The following EFHB variants were observed in gnomAD, a reference collection of about 807,000 sequenced individuals.
EFHB encodes EF-hand domain-containing family member B.
In EFHB, 91 loss-of-function variants were observed where a neutral mutation model predicts 87.2. The observed-to-expected ratio is 1.04, with a 90% CI of 0.88 to 1.24. The LOEUF (loss-of-function observed/expected upper bound fraction) is 1.24, where lower values mean the gene tolerates loss of function less well. EFHB is among the 50% of genes most tolerant of loss of function. The pLI, the probability that EFHB is intolerant of heterozygous loss-of-function variation, is 0.00. For missense variants in EFHB, 1,084 were observed against 998.8 expected (o/e 1.09, Z -1.15); for synonymous variants, 325 against 333.6 (o/e 0.97, Z 0.28).
intron 12 of EFHB, among the ~76,000 whole-genome samples, chr3:19,881,213 G>A (rs1393564976): frequency 6.6e-6 from 1 of 152,192 alleles, no homozygotes; most frequent in East Asian, 1.9e-4. Flanking sequence ...CCCCTGCAGA[G>A]TGAGCTCAGG....
intron 5 of EFHB, among the ~76,000 whole-genome samples, chr3:19,909,410 A>G (rs867842371): frequency 6.6e-6 from 1 of 152,158 alleles, no homozygotes; most frequent in South Asian, 2.1e-4. Flanking sequence ...CAGTAGTCCA[A>G]ACTTGAGTGC....
chr3:19,925,573 C>T (rs1197354919), intron 1 of EFHB, among the ~76,000 whole-genome samples: 2 of 152,184 alleles, frequency 1.3e-5, no homozygotes, highest in African/African-American at 4.8e-5. Flanking sequence ...CAACTCCAAA[C>T]TGCACCAACC....
chr3:19,920,422 A>G, intron 2 of EFHB, 83 bp downstream of exon 2: 1 of 1,155,242 alleles, frequency 8.7e-7, no homozygotes, highest in Non-Finnish European at 1.2e-6. Flanking sequence ...TACCACTTTC[A>G]TAAGGAACGT....
upstream of EFHB, among the ~76,000 whole-genome samples, chr3:19,938,320 T>C (rs1225488258): frequency 6.6e-6 from 1 of 152,236 alleles, no homozygotes; most frequent in Non-Finnish European, 1.5e-5. Flanking sequence ...GACGCTTGCA[T>C]TTACTTCATT....
intron 4 of EFHB, among the ~76,000 whole-genome samples, chr3:19,918,005 T>C (rs879634686): frequency 1.3e-5 from 2 of 152,206 alleles, no homozygotes; most frequent in Non-Finnish European, 2.9e-5. Context: ...ATGCCTACTA[T>C]GCTCACTATA....
rs754017687 is a variant in EFHB at position 19,933,852 on chromosome 3, C to T, written c.167G>A (p.Arg56Lys). ...SPVVSNKCEG[R>K]MAPPETKFPL... ...AAATTTTGTTTCTGGTGGTGCCATCCTTCCCTCACACTTATTACTAACCAC... is the reference window on the plus strand; with the variant it reads ...AAATTTTGTTTCTGGTGGTGCCATCTTTCCCTCACACTTATTACTAACCAC... The change falls in exon 1 of 13, where the codon AGG (arginine) becomes AAG (lysine). Residue 56 changes from arginine to lysine, a missense_variant. Arg to Lys is a conservative substitution (Grantham distance 26). Coordinates refer to ENST00000295824, the MANE Select transcript of EFHB (RefSeq NM_144715.4). 1 of 1,613,900 alleles carries T rather than the reference C, an allele frequency of 6.2e-7. No homozygotes were observed. Among genetic ancestry groups the T allele is most frequent in the African/African-American group, 1.3e-5 (1 of 75,010 alleles).
intron 1 of EFHB, among the ~76,000 whole-genome samples, chr3:19,945,691 T>G (rs1696258939): frequency 6.6e-6 from 1 of 152,210 alleles, no homozygotes; most frequent in South Asian, 2.1e-4. Context: ...TTACCATGAT[T>G]AATAGTTCAT....
chr3:19,905,815 C>T, intron 5 of EFHB, 66 bp from the exon 6 acceptor site: 1 of 1,512,650 alleles, frequency 6.6e-7, no homozygotes, highest in South Asian at 1.3e-5. Flanking sequence ...GCAAGATGCA[C>T]ACTATGTTCT....
chr3:19,909,343 G>A (rs1223561405), intron 5 of EFHB, among the ~76,000 whole-genome samples: 3 of 152,036 alleles, frequency 2.0e-5, no homozygotes, highest in African/African-American at 4.8e-5. Context: ...CTCAGCTGAT[G>A]CCCGTCCCCA....
rs1695315651 is a variant in EFHB, at chr3:19,918,470, A to G, written c.997-58T>C. The G allele has an allele frequency of 1.0e-5, 15 of 1,450,638 alleles. 1 individual carries two copies. In the South Asian group the frequency reaches 1.9e-4, roughly 18 times the overall value. The allele number at this position is 1,450,638 out of a possible 1,614,324, so 89.9% of individuals were successfully genotyped here. On this transcript the variant is annotated intron_variant, in intron 3 of 12. Coordinates refer to ENST00000295824, the MANE Select transcript of EFHB (RefSeq NM_144715.4). ...ACAAAAAAAGTATAAATCTGAAAAT[A>G]GAAACCCTAATCAATAGCTGGGGAG...
At chr3:19,944,878 AATG>A (rs1696234944) in intron 1 of EFHB, among the ~76,000 whole-genome samples, 1 of 152,196 alleles carries the variant, frequency 6.6e-6, no homozygotes, top group Non-Finnish European at 1.5e-5. Flanking sequence ...GAAGAACTGA[AATG>A]ATGAATAACT....
upstream of EFHB, among the ~76,000 whole-genome samples, chr3:19,938,984 G>A (rs1284704291): frequency 1.3e-5 from 2 of 152,126 alleles, no homozygotes; most frequent in Non-Finnish European, 2.9e-5. Context: ...TTGGCTCACT[G>A]CAACCTCTGT....
At chr3:19,916,517 A>C (rs536669437) in intron 4 of EFHB, among the ~76,000 whole-genome samples, 3 of 152,162 alleles carry the variant, frequency 2.0e-5, no homozygotes, top group African/African-American at 4.8e-5. Flanking sequence ...TCCGTCTCAA[A>C]AAAAAAATTA....
chr3:19,898,083 T>C (rs1002829309), intron 8 of EFHB, among the ~76,000 whole-genome samples: 10 of 152,186 alleles, frequency 6.6e-5, no homozygotes, highest in Non-Finnish European at 1.2e-4. Flanking sequence ...AAACCACTGA[T>C]ATACAGCCCA....
chr3:19,940,443 T>C (rs1696130618), intron 1 of EFHB: 1 of 479,920 alleles, frequency 2.1e-6, no homozygotes, highest in African/African-American at 2.0e-5. Flanking sequence ...GATTCTTATC[T>C]ATCCAGTTAA....
intron 6 of EFHB, among the ~76,000 whole-genome samples, chr3:19,901,318 T>C (rs895182379): frequency 1.1e-4 from 16 of 152,344 alleles, no homozygotes; most frequent in Non-Finnish European, 1.6e-4. Context: ...ATGAATAAAA[T>C]TTCTTTTGAA....
upstream of EFHB, among the ~76,000 whole-genome samples, chr3:19,938,248 T>C (rs868596602): frequency 3.9e-5 from 6 of 152,308 alleles, no homozygotes; most frequent in South Asian, 4.1e-4. Context: ...GTTCCGTATC[T>C]CAATAGGGAT....
chr3:19,881,232 G>C (rs2071668657), intron 12 of EFHB, among the ~76,000 whole-genome samples: 1 of 152,164 alleles, frequency 6.6e-6, no homozygotes, highest in African/African-American at 2.4e-5. Context: ...GGAATGGTTT[G>C]AGTCAGTCTT....
At chr3:19,897,567 A>G (rs1378315844) in intron 8 of EFHB, among the ~76,000 whole-genome samples, 1 of 151,986 alleles carries the variant, frequency 6.6e-6, no homozygotes, top group Non-Finnish European at 1.5e-5. Flanking sequence ...TCCTTTTTTA[A>G]TTCATCAATT....
Sources: gnomAD v4.1 joint callset for allele counts (sites outside exome capture counted in the v4.1 genomes callset) on GRCh38, gnomAD v4.1.1 for gene constraint, MANE v1.5 for transcripts, NCBI Gene and HGNC (gene_info 2026-07-23, HGNC 2026-07-21) for gene names.